Variants in TMEM131L observed in about 807,000 individuals in gnomAD.
TMEM131L encodes the protein transmembrane protein 131-like.
TMEM131L carries 54 observed loss-of-function variants against 192.2 expected under a neutral mutation model. The ratio of observed to expected loss-of-function variants is 0.28; its 90% confidence interval spans 0.23 to 0.35. TMEM131L has a LOEUF of 0.35. Ranked by LOEUF, TMEM131L falls within the 10% of genes least tolerant of loss-of-function variation. The pLI is 1.00. For synonymous variants in TMEM131L, 701 were observed against 704.9 expected (o/e 0.99, Z 0.09); for missense variants, 1,888 against 1,972.9 (o/e 0.96, Z 0.82).
chr4:153,510,051 C>T (rs1734248316), intron 3 of TMEM131L, among the ~76,000 whole-genome samples: 1 of 152,136 alleles, frequency 6.6e-6, no homozygotes, highest in African/African-American at 2.4e-5. Flanking sequence ...TGTATAGAAG[C>T]ACTTGTTTTG....
At chr4:153,476,926 G>A (rs1052539599) in intron 3 of TMEM131L, among the ~76,000 whole-genome samples, 1 of 152,194 alleles carries the variant, frequency 6.6e-6, no homozygotes, top group African/African-American at 2.4e-5. Context: ...CAGTGTGGCA[G>A]AGATTACATT....
rs1730766253 is a variant in TMEM131L, at chr4:153,466,645, A to C, written c.124+124A>C. 8.2e-6 allele frequency: 8 copies of C among 979,324 alleles called. No individual in the cohort carries two copies. The South Asian group carries it at 2.9e-4, about 35-fold the overall frequency. 60.7% of individuals were successfully genotyped at this position (979,324 alleles called of 1,614,324 possible). A position where few individuals can be genotyped will look rare whatever the true frequency, so the allele number is the denominator to read the frequency against. On this transcript the variant is annotated intron_variant, in intron 1 of 34. Transcript: ENST00000409959. Reference sequence around the variant, plus strand: ...AGGGAAAGGGGCAGGAGGAGGAAGGAAAGCTGTTGCGATTCTCCGCTGATA... The same window carrying C: ...AGGGAAAGGGGCAGGAGGAGGAAGGCAAGCTGTTGCGATTCTCCGCTGATA...
chr4:153,599,451 G>A (rs10023584), intron 21 of TMEM131L, among the ~76,000 whole-genome samples: 45,829 of 151,944 alleles, frequency 0.3, 7,278 homozygotes, highest in Non-Finnish European at 0.36. Flanking sequence ...GGCTAGGGTG[G>A]GAGAATCACT....
chr4:153,556,396 C>T (rs536895219), intron 5 of TMEM131L, among the ~76,000 whole-genome samples: 1 of 152,268 alleles, frequency 6.6e-6, no homozygotes, highest in South Asian at 2.1e-4. Flanking sequence ...ACACAGAGCT[C>T]AAACTTAGTC....
At position 153,553,187 on chromosome 4, in the gene TMEM131L, C is replaced by T. The variant is rs546257843; in HGVS notation, c.309-2600C>T. On this transcript the variant is annotated intron_variant, in intron 4 of 34. Coordinates refer to ENST00000409959, the MANE Select transcript of TMEM131L (RefSeq NM_001131007.2). ...TACTTTATGGTTCCCAAAGTGTAAT[C>T]ATGTCCGTTGTCATTTGAGTTTTAT... Among the ~76,000 whole-genome samples, 160 of 152,238 alleles carry T rather than the reference C, an allele frequency of 1.1e-3. 2 individuals are homozygous for T. The highest frequency in any genetic ancestry group is 5.2e-3 in the Admixed American group (80 of 15,292).
chr4:153,530,939 T>C (rs1336312378), intron 3 of TMEM131L, among the ~76,000 whole-genome samples: 1 of 152,198 alleles, frequency 6.6e-6, no homozygotes, highest in African/African-American at 2.4e-5. Flanking sequence ...TCAGTGATTT[T>C]ATAAGCACCT....
At chr4:153,564,315 G>T (rs1429879534) in intron 7 of TMEM131L, among the ~76,000 whole-genome samples, 7 of 104,596 alleles carry the variant, frequency 6.7e-5, no homozygotes, top group Admixed American at 4.6e-4. Flanking sequence ...AAAAAAAAAA[G>T]GCCCAAGGGA....
At chr4:153,469,418 A>G (rs1730998702) in intron 2 of TMEM131L, among the ~76,000 whole-genome samples, 1 of 152,134 alleles carries the variant, frequency 6.6e-6, no homozygotes, top group Non-Finnish European at 1.5e-5. Flanking sequence ...ATTATTTTCA[A>G]AGTATTTTGA....
chr4:153,477,341 C>T (rs898047023), intron 3 of TMEM131L, among the ~76,000 whole-genome samples: 6 of 152,296 alleles, frequency 3.9e-5, no homozygotes, highest in African/African-American at 1.4e-4. Context: ...GAGGCCAGGG[C>T]TGCAGACCCA....
In TMEM131L at chr4:153,627,651, C is replaced by T; in HGVS notation, c.4171C>T (p.Leu1391Phe). ...ATACGCAGAGCCTTCCTGTCCCAGC[C>T]TTCCTGCCGGGCCCACAGGTGTTGA... The part of the protein sequence containing the change: ...PQYAEPSCPS[L>F]PAGPTGVEED... The change falls in exon 31 of 35, where the codon CTT becomes TTT. Residue 1391 changes from leucine (L) to phenylalanine (F), a missense_variant. Leu to Phe is a conservative substitution (Grantham distance 22). Transcript: ENST00000409959. 6.2e-7 allele frequency: 1 copy of T among 1,614,140 alleles called. No homozygotes were observed. The highest frequency in any genetic ancestry group is 8.5e-7 in the Non-Finnish European group (1 of 1,179,986).
chr4:153,620,557 TTTC>T (rs1476323471), intron 26 of TMEM131L, among the ~76,000 whole-genome samples, 196 bp from the exon 27 acceptor site: 2 of 152,354 alleles, frequency 1.3e-5, no homozygotes, highest in Admixed American at 6.5e-5. Context: ...ACAATTCTTT[TTTC>T]TTCTTTTTCT....
At chr4:153,579,845 A>T (rs920258005) in intron 7 of TMEM131L, among the ~76,000 whole-genome samples, 3 of 152,108 alleles carry the variant, frequency 2.0e-5, no homozygotes, top group African/African-American at 7.2e-5. Flanking sequence ...TTCTTTTATA[A>T]TGTACTTGGG....
At chr4:153,607,325 T>G (rs1732308269) in intron 25 of TMEM131L, among the ~76,000 whole-genome samples, 1 of 152,246 alleles carries the variant, frequency 6.6e-6, no homozygotes, top group South Asian at 2.1e-4. Flanking sequence ...ATTAGTTCTT[T>G]GCTAGCTTTG....
In TMEM131L at chr4:153,620,875, C is replaced by G. The variant is rs1190327008; in HGVS notation, c.3687C>G (p.Val1229=). The change falls in exon 27 of 35, where the codon GTC becomes GTG. Residue 1229 remains valine, a synonymous_variant. Coordinates refer to ENST00000409959, the MANE Select transcript of TMEM131L (RefSeq NM_001131007.2). The part of the protein sequence containing the change: ...RKNKKRGVAP[V]SRPPEQSDLK... ...ACAAGAAAAGGGGTGTTGCTCCAGT[C>G]TCAAGGTGCGTAATTCTTACTATCT... 6.3e-7 allele frequency: 1 copy of G among 1,586,532 alleles called. No individual in the cohort carries two copies. Among genetic ancestry groups the G allele is most frequent in the East Asian group, 2.3e-5 (1 of 43,742 alleles).
intron 26 of TMEM131L, among the ~76,000 whole-genome samples, chr4:153,614,880 CA>C (rs1320178475): frequency 6.6e-6 from 1 of 152,172 alleles, no homozygotes; most frequent in African/African-American, 2.4e-5. Context: ...AGAAAACCAT[CA>C]GGACTTCTTA....
chr4:153,487,861 G>A (rs1732462010), intron 3 of TMEM131L, among the ~76,000 whole-genome samples: 2 of 151,568 alleles, frequency 1.3e-5, no homozygotes, highest in Non-Finnish European at 2.9e-5. Flanking sequence ...GTGTGAGAGA[G>A]AGTGAGAGAG....
chr4:153,522,091 T>C (rs1190810051), intron 3 of TMEM131L, among the ~76,000 whole-genome samples: 1 of 152,028 alleles, frequency 6.6e-6, no homozygotes, highest in Non-Finnish European at 1.5e-5. Flanking sequence ...TTTTCTTGGG[T>C]GTGAGAGGAA....
At chr4:153,519,002 C>T (rs148619759) in intron 3 of TMEM131L, among the ~76,000 whole-genome samples, 100 of 152,300 alleles carry the variant, frequency 6.6e-4, no homozygotes, top group Non-Finnish European at 1.2e-3. Context: ...ACCATTCTTA[C>T]ATTTGCTGTG....
chr4:153,508,655 A>T (rs1049278582), intron 3 of TMEM131L, among the ~76,000 whole-genome samples: 2 of 151,298 alleles, frequency 1.3e-5, no homozygotes, highest in East Asian at 3.9e-4. Context: ...GAATTGAGAG[A>T]TGTGATTTAA....
Sources: allele counts gnomAD v4.1 joint callset (sites outside exome capture counted in the v4.1 genomes callset), GRCh38; gene constraint gnomAD v4.1.1; transcripts MANE v1.5; gene names NCBI Gene and HGNC (gene_info 2026-07-23, HGNC 2026-07-21).